The following SLC44A1 variants were observed in gnomAD, a reference collection of about 807,000 sequenced individuals.
SLC44A1 encodes solute carrier family 44 member 1, also known as choline transporter-like protein 1.
Under a neutral mutation model 79.3 loss-of-function variants are expected in SLC44A1, and 26 were observed. The observed-to-expected ratio is 0.33, with a 90% CI of 0.24 to 0.46. The LOEUF (loss-of-function observed/expected upper bound fraction) is 0.46, where lower values mean the gene tolerates loss of function less well. SLC44A1 is among the 20% of genes least tolerant of loss of function. SLC44A1 has a pLI of 1.00. For missense variants in SLC44A1, 688 were observed against 798.1 expected (o/e 0.86, Z 1.66); for synonymous variants, 263 against 286.2 (o/e 0.92, Z 0.82).
intron 13 of SLC44A1, among the ~76,000 whole-genome samples, chr9:105,380,620 T>C (rs565440303): frequency 2.6e-5 from 4 of 152,162 alleles, no homozygotes; most frequent in Non-Finnish European, 2.9e-5. Flanking sequence ...GTTACTAATA[T>C]ATGTCTTATA....
chr9:105,288,794 C>G (rs545882651), intron 1 of SLC44A1, among the ~76,000 whole-genome samples: 1 of 152,256 alleles, frequency 6.6e-6, no homozygotes, highest in South Asian at 2.1e-4. Flanking sequence ...AGAGTAGTAT[C>G]CTAACTATGA....
intron 1 of SLC44A1, among the ~76,000 whole-genome samples, chr9:105,283,523 T>C (rs1830406679): frequency 6.6e-6 from 1 of 152,198 alleles, no homozygotes. Flanking sequence ...TAACGTAGAA[T>C]TCATGTAAAA....
At chr9:105,248,539 G>T (rs115259915) in intron 1 of SLC44A1, among the ~76,000 whole-genome samples, 599 of 152,268 alleles carry the variant, frequency 3.9e-3, no homozygotes, top group African/African-American at 0.013. Flanking sequence ...GTGAGTCAGG[G>T]CTCTTAAGGA....
At chr9:105,273,765 A>T (rs1434271732) in intron 1 of SLC44A1, among the ~76,000 whole-genome samples, 2 of 152,036 alleles carry the variant, frequency 1.3e-5, no homozygotes, top group African/African-American at 4.8e-5. Flanking sequence ...GCAGTTTTGT[A>T]TTGCTCTAAA....
chr9:105,301,335 AT>A (rs1830874087), intron 2 of SLC44A1, among the ~76,000 whole-genome samples: 1 of 152,236 alleles, frequency 6.6e-6, no homozygotes, highest in African/African-American at 2.4e-5. Context: ...TATAATGTTG[AT>A]TTCAGTATGA....
intron 1 of SLC44A1, among the ~76,000 whole-genome samples, chr9:105,282,660 TG>T (rs978670122): frequency 1.6e-4 from 24 of 152,180 alleles, no homozygotes; most frequent in African/African-American, 5.8e-4. Flanking sequence ...CCAATTCTCC[TG>T]CCTCAGCCTC....
chr9:105,424,410 C>T (rs1829293505), intron 15 of SLC44A1, among the ~76,000 whole-genome samples: 1 of 152,202 alleles, frequency 6.6e-6, no homozygotes, highest in African/African-American at 2.4e-5. Context: ...TAAGCGTGAG[C>T]AGCCCCTCCT....
At chr9:105,431,595 A>G (rs912292616) in intron 15 of SLC44A1, among the ~76,000 whole-genome samples, 1 of 152,194 alleles carries the variant, frequency 6.6e-6, no homozygotes, top group African/African-American at 2.4e-5. Flanking sequence ...AGACATGAGG[A>G]TCATAAAAAG....
chr9:105,424,128 A>T (rs947413893), intron 15 of SLC44A1, among the ~76,000 whole-genome samples: 1 of 152,158 alleles, frequency 6.6e-6, no homozygotes, highest in Non-Finnish European at 1.5e-5. Flanking sequence ...AATCAGTACA[A>T]TCTTTAGATC....
At chr9:105,259,922 A>G (rs1829802478) in intron 1 of SLC44A1, among the ~76,000 whole-genome samples, 1 of 152,224 alleles carries the variant, frequency 6.6e-6, no homozygotes, top group Admixed American at 6.5e-5. Context: ...CCAAGTGGAA[A>G]CACTTATTTA....
chr9:105,346,671 A>G (rs185408483), intron 4 of SLC44A1, among the ~76,000 whole-genome samples: 127 of 152,238 alleles, frequency 8.3e-4, no homozygotes, highest in Middle Eastern at 3.4e-3. Context: ...TATAAATGTA[A>G]TCTAGTGGCA....
intron 1 of SLC44A1, among the ~76,000 whole-genome samples, chr9:105,297,253 G>A (rs983517579): frequency 6.6e-6 from 1 of 152,156 alleles, no homozygotes; most frequent in Non-Finnish European, 1.5e-5. Context: ...TAGGGGTTAG[G>A]AAGAAATTGT....
Position 105,364,633 on chromosome 9 carries a change from T to C in SLC44A1, c.1166T>C (p.Val389Ala), listed in dbSNP as rs1322251431. ...CTGCAGTACATGTGGTGGTACCATG[T>C]GGTGGGCCTGATTTGGATCAGTGAA... Reference protein sequence around the residue: ...GPLQYMWWYHVVGLIWISEFI... With the variant: ...GPLQYMWWYHAVGLIWISEFI... The change falls in exon 10 of 16, where the codon GTG becomes GCG. Residue 389 changes from valine to alanine, a missense_variant. Transcript: ENST00000374720. The C allele has an allele frequency of 3.7e-6, 6 of 1,613,998 alleles. No homozygotes were observed. The highest frequency in any genetic ancestry group is 1.7e-5 in the Admixed American group (1 of 59,998).
chr9:105,321,323 C>T (rs1300004040), intron 3 of SLC44A1, among the ~76,000 whole-genome samples: 1 of 152,160 alleles, frequency 6.6e-6, no homozygotes, highest in African/African-American at 2.4e-5. Context: ...ATTGAAAAGA[C>T]TATCTTCCCC....
At chr9:105,437,804 T>C (rs1347335274) in intron 15 of SLC44A1, among the ~76,000 whole-genome samples, 1 of 152,184 alleles carries the variant, frequency 6.6e-6, no homozygotes, top group Non-Finnish European at 1.5e-5. Flanking sequence ...GAGAGTACCA[T>C]AGAATCAAGT....
At chr9:105,322,337 A>G (rs1267350664) in intron 3 of SLC44A1, among the ~76,000 whole-genome samples, 2 of 152,200 alleles carry the variant, frequency 1.3e-5, no homozygotes, top group Non-Finnish European at 2.9e-5. Flanking sequence ...GAGTTTTGGC[A>G]TATGGGTAGA....
intron 15 of SLC44A1, among the ~76,000 whole-genome samples, chr9:105,425,398 C>T (rs1325511374): frequency 6.6e-6 from 1 of 152,108 alleles, no homozygotes. Context: ...GAACAAAATA[C>T]TATGAGAGAA....
At chr9:105,438,374 T>A (rs1829490351) in exon 16 of SLC44A1, 3 of 1,170,750 alleles carry the variant, frequency 2.6e-6, no homozygotes, top group African/African-American at 1.5e-5. Context: ...CTGTTGAGAG[T>A]CTGCGATTAT....
chr9:105,381,894 A>G lies in SLC44A1; in HGVS notation c.1633-1229A>G, dbSNP rs1241418090. 4.6e-5 allele frequency among the ~76,000 whole-genome samples: 7 copies of G among 152,356 alleles called. No individual in the cohort carries two copies. The South Asian group carries it at 8.3e-4, about 18-fold the overall frequency. Reference sequence around the variant, plus strand: ...TAAATATTGGAGAAAATGCCAAAGAAGAATTCATGGTCTGCCTATTATTCT... The same window carrying G: ...TAAATATTGGAGAAAATGCCAAAGAGGAATTCATGGTCTGCCTATTATTCT... On this transcript the variant is annotated intron_variant, in intron 13 of 15. Transcript: ENST00000374720.
Sources: allele counts gnomAD v4.1 joint callset (sites outside exome capture counted in the v4.1 genomes callset), GRCh38; gene constraint gnomAD v4.1.1; transcripts MANE v1.5; gene names NCBI Gene and HGNC (gene_info 2026-07-23, HGNC 2026-07-21).